Variants in GIN1 observed in about 807,000 individuals in gnomAD.
The protein encoded by GIN1 is gypsy retrotransposon integrase 1, also known as gypsy retrotransposon integrase-like protein 1.
In GIN1, 41 loss-of-function variants were observed where a neutral mutation model predicts 51.4. The ratio of observed to expected loss-of-function variants is 0.80; its 90% CI spans 0.62 to 1.04. The LOEUF (loss-of-function observed/expected upper bound fraction) is 1.04, where lower values mean the gene tolerates loss of function less well. Ranked by LOEUF, GIN1 falls within the 50% of genes least tolerant of loss-of-function variation. The probability of loss-of-function intolerance (pLI) is 0.00; values close to 1 mark genes in which losing one functional copy is unlikely to be tolerated. For missense variants in GIN1, 610 were observed against 612.4 expected, an observed-to-expected ratio of 1.00 and a Z score of 0.04; for synonymous variants, 222 against 206.5, an observed-to-expected ratio of 1.07 and a Z score of -0.64.
intron 4 of GIN1, among the ~76,000 whole-genome samples, chr5:103,100,611 C>G (rs1004726204): frequency 6.6e-6 from 1 of 150,488 alleles, no homozygotes; most frequent in African/African-American, 2.4e-5. Flanking sequence ...ATTGCATGGG[C>G]TGGTCTTGAA....
Position 103,086,656 on chromosome 5 carries a change from T to G in GIN1, c.*1242A>C, listed in dbSNP as rs1474956658. The G allele has an allele frequency of 2.6e-5, 4 of 152,246 alleles. No individual in the cohort carries two copies. The highest frequency in any genetic ancestry group is 9.6e-5 in the African/African-American group (4 of 41,466). 9.4% of individuals were successfully genotyped at this position (152,246 alleles called of 1,614,324 possible). On this transcript the variant is annotated 3_prime_UTR_variant, in exon 8 of 8. Coordinates refer to ENST00000399004, the MANE Select transcript of GIN1 (RefSeq NM_017676.2). ...CATAAGGATAAACACAAATTTCCTATGTAAAAACAACTTCTCTCTTTTTGC... is the reference window on the plus strand; with the variant it reads ...CATAAGGATAAACACAAATTTCCTAGGTAAAAACAACTTCTCTCTTTTTGC...
At chr5:103,114,183 TA>T (rs1554197163) in intron 1 of GIN1, among the ~76,000 whole-genome samples, 1 of 152,188 alleles carries the variant, frequency 6.6e-6, no homozygotes, top group Admixed American at 6.5e-5. Context: ...TGGAATAACT[TA>T]AAATTTTAAG....
intron 1 of GIN1, among the ~76,000 whole-genome samples, chr5:103,111,032 GC>G (rs1406321066): frequency 2.6e-5 from 4 of 151,372 alleles, no homozygotes; most frequent in Admixed American, 2.6e-4. Flanking sequence ...TCTCTCCTCT[GC>G]CAGGACTCCA....
chr5:103,086,901 G>C lies in GIN1; in HGVS notation c.*997C>G, dbSNP rs1264547964. 1 of 152,140 alleles carries C rather than the reference G, an allele frequency of 6.6e-6. No homozygotes were observed. The highest frequency in any genetic ancestry group is 6.5e-5 in the Admixed American group (1 of 15,278). 9.4% of individuals were successfully genotyped at this position (152,140 alleles called of 1,614,324 possible). On this transcript the variant is annotated 3_prime_UTR_variant, in exon 8 of 8. Transcript: ENST00000399004. ...TTATTTTATATTTATGAATATCATA[G>C]AAATTACAGTTTAAAATCTTTGATA...
chr5:103,115,853 C>T (rs1410280514), intron 1 of GIN1, among the ~76,000 whole-genome samples: 1 of 152,098 alleles, frequency 6.6e-6, no homozygotes, highest in African/African-American at 2.4e-5. Flanking sequence ...GAGATGGCAG[C>T]AGGGGATGAC....
rs969998277 is a variant in GIN1 at position 103,106,771 on chromosome 5, G to A, written c.278C>T (p.Thr93Ile). The change falls in exon 3 of 8, where the codon ACT (threonine) becomes ATT (isoleucine). Residue 93 changes from threonine to isoleucine, a missense_variant. Transcript: ENST00000399004. Reference protein sequence around the residue: ...GAHHGISRTLTLVESNYYWTS... With the variant: ...GAHHGISRTLILVESNYYWTS... ...CCAATAATAATTGGATTCTACCAGA[G>A]TGAGGGTCCTGGATATACCATGATG... is the stretch of plus-strand genomic sequence containing the variant. 9 of 1,604,072 alleles carry A rather than the reference G, an allele frequency of 5.6e-6. No homozygotes were observed. Among genetic ancestry groups the A allele is most frequent in the Non-Finnish European group, 7.7e-6 (9 of 1,175,056 alleles).
chr5:103,108,680 G>T lies in GIN1; in HGVS notation c.28C>A (p.Leu10Ile). The T allele has an allele frequency of 6.2e-7, 1 of 1,603,078 alleles. No individual in the cohort carries two copies. Among genetic ancestry groups the T allele is most frequent in the South Asian group, 1.1e-5 (1 of 89,592 alleles). The stretch of plus-strand genomic sequence containing the variant: ...TAATATGCAATCTGTTTAAGATGAA[G>T]GTCACCATTTTTTCCACTACGGACC... Reference protein sequence around the residue: MVRSGKNGDLHLKQIAYYKR... With the variant: MVRSGKNGDIHLKQIAYYKR... The change falls in exon 2 of 8, where the codon CTT becomes ATT. Residue 10 changes from leucine to isoleucine, a missense_variant. Leu to Ile is a conservative substitution (Grantham distance 5, BLOSUM62 2). Transcript: ENST00000399004.
Position 103,120,123 on chromosome 5 carries a change from T to C in GIN1, c.-67A>G, listed in dbSNP as rs1460039871. On this transcript the variant is annotated 5_prime_UTR_variant, in exon 1 of 8. Coordinates refer to ENST00000399004, the MANE Select transcript of GIN1 (RefSeq NM_017676.2). ...CTTCCTCTCGTGATTTATCTCGCGC[T>C]GCCGGAAGCGGAACTACCCGGGTCC... 1 of 191,994 alleles carries C rather than the reference T, an allele frequency of 5.2e-6. No homozygotes were observed. The highest frequency in any genetic ancestry group is 2.3e-5 in the African/African-American group (1 of 43,668). The allele number at this position is 191,994 out of a possible 1,614,324, so 11.9% of individuals were successfully genotyped here. A position where few individuals can be genotyped will look rare whatever the true frequency, so the allele number is the denominator to read the frequency against.
At chr5:103,110,266 T>C (rs1787838739) in intron 1 of GIN1, among the ~76,000 whole-genome samples, 1 of 151,396 alleles carries the variant, frequency 6.6e-6, no homozygotes, top group Non-Finnish European at 1.5e-5. Flanking sequence ...AGTAAAAATG[T>C]GTATTCATGA....
Position 103,097,647 on chromosome 5 carries a change from T to C in GIN1, c.774A>G (p.Pro258=), listed in dbSNP as rs1349028909. The C allele has an allele frequency of 6.2e-7, 1 of 1,612,274 alleles. No homozygotes were observed. Among genetic ancestry groups the C allele is most frequent in the South Asian group, 1.1e-5 (1 of 91,048 alleles). Residue 258 remains proline (P), a synonymous_variant, in exon 5 of 8, where the codon CCA becomes CCG. Transcript: ENST00000399004. The part of the protein sequence containing the change: ...AFLSKHCADH[P]NNWDDHLSAV... ...CTGATAGGTGATCATCCCAATTGTTTGGGTGGTCAGCACAGTGTTTGGAGA... is the reference window on the plus strand; with the variant it reads ...CTGATAGGTGATCATCCCAATTGTTCGGGTGGTCAGCACAGTGTTTGGAGA...
intron 3 of GIN1, chr5:103,106,418 G>T: frequency 4.3e-6 from 1 of 230,328 alleles, no homozygotes; most frequent in Non-Finnish European, 8.3e-6. Flanking sequence ...TTAGTCAAAT[G>T]AATTCCAGCT....
chr5:103,118,198 C>G (rs1179603102), intron 1 of GIN1, among the ~76,000 whole-genome samples: 1 of 152,076 alleles, frequency 6.6e-6, no homozygotes, highest in African/African-American at 2.4e-5. Flanking sequence ...GAAAACATTA[C>G]AGTTCACTTT....
chr5:103,091,326 C>T (rs1330417119), intron 7 of GIN1, among the ~76,000 whole-genome samples: 3 of 152,020 alleles, frequency 2.0e-5, no homozygotes, highest in East Asian at 3.9e-4. Context: ...TTACATAGCT[C>T]TTGTATTATT....
chr5:103,112,214 G>C (rs886455084), intron 1 of GIN1, among the ~76,000 whole-genome samples: 3 of 152,112 alleles, frequency 2.0e-5, no homozygotes, highest in Non-Finnish European at 4.4e-5. Flanking sequence ...ATCATTGGGA[G>C]AAGACATAAA....
rs782816614 is a variant in GIN1 at position 103,101,778 on chromosome 5, A to C, written c.639+2763T>G. Among the ~76,000 whole-genome samples the C allele has an allele frequency of 6.6e-5, 10 of 152,200 alleles. 1 individual carries two copies. The highest frequency in any genetic ancestry group is 1.5e-4 in the Non-Finnish European group (10 of 68,012). On this transcript the variant is annotated intron_variant, in intron 4 of 7. Transcript: ENST00000399004. ...CATGTGTGACATACATGTCTTGTTGATTGAGTCAGAATGCTATTATCAATC... is the reference window on the plus strand; with the variant it reads ...CATGTGTGACATACATGTCTTGTTGCTTGAGTCAGAATGCTATTATCAATC...
intron 7 of GIN1, among the ~76,000 whole-genome samples, chr5:103,089,946 T>A (rs572842553): frequency 6.6e-6 from 1 of 152,100 alleles, no homozygotes; most frequent in Non-Finnish European, 1.5e-5. Context: ...TGGGCTTGTA[T>A]GGCCATTTAT....
intron 1 of GIN1, among the ~76,000 whole-genome samples, chr5:103,118,904 C>T (rs1191340920): frequency 1.3e-5 from 2 of 151,940 alleles, no homozygotes; most frequent in Non-Finnish European, 2.9e-5. Context: ...AAAGACTGTC[C>T]TGGGACTTCT....
chr5:103,112,184 T>A (rs1320344341), intron 1 of GIN1, among the ~76,000 whole-genome samples: 2 of 152,098 alleles, frequency 1.3e-5, no homozygotes, highest in South Asian at 2.1e-4. Context: ...TATATCTATG[T>A]TAGGGAGAGG....
At chr5:103,113,656 G>A (rs1787945807) in intron 1 of GIN1, among the ~76,000 whole-genome samples, 1 of 151,888 alleles carries the variant, frequency 6.6e-6, no homozygotes, top group Non-Finnish European at 1.5e-5. Flanking sequence ...CGAGTAACTG[G>A]GACTACGGGT....
Sources: gnomAD v4.1 joint callset for allele counts (sites outside exome capture counted in the v4.1 genomes callset) on GRCh38, gnomAD v4.1.1 for gene constraint, MANE v1.5 for transcripts, NCBI Gene and HGNC (gene_info 2026-07-23, HGNC 2026-07-21) for gene names.